Variants in PJA2 observed in about 807,000 individuals in gnomAD.
The protein encoded by PJA2 is E3 ubiquitin-protein ligase Praja-2.
A neutral mutation model predicts 69.3 loss-of-function variants in PJA2; 25 were observed. The observed-to-expected ratio is 0.36, with a 90% CI of 0.26 to 0.50. PJA2 has a LOEUF of 0.50. Among genes scored for constraint, PJA2 ranks in the 20% least tolerant of loss-of-function variants. The pLI, the probability that PJA2 is intolerant of heterozygous loss-of-function variation, is 0.96. For synonymous variants in PJA2, 308 were observed against 277.8 expected (o/e 1.11, Z -1.08); for missense variants, 809 against 830.2 (o/e 0.97, Z 0.31).
rs559807970 is a variant in PJA2, at chr5:109,380,303, G to C, written c.233-1049C>G. 2.1e-3 allele frequency among the ~76,000 whole-genome samples: 324 copies of C among 152,048 alleles called. 2 individuals carry two copies. The highest frequency in any genetic ancestry group is 8.3e-3 in the South Asian group (40 of 4,824). On this transcript the variant is annotated intron_variant, in intron 3 of 9. Transcript: ENST00000361189. ...TACATATGACAGCAAAAATAATCTA[G>C]AAATGTCTTGTCAAGTTTGCTTAGA... is the stretch of plus-strand genomic sequence containing the variant.
chr5:109,369,276 C>T lies in PJA2; in HGVS notation c.1284-530G>A, dbSNP rs576120504. Among the ~76,000 whole-genome samples, 16 of 152,312 alleles carry T rather than the reference C, an allele frequency of 1.1e-4. No homozygotes were observed. In the South Asian group the frequency reaches 2.1e-3, roughly 20 times the overall value. On this transcript the variant is annotated intron_variant, in intron 4 of 9. Coordinates refer to ENST00000361189, the MANE Select transcript of PJA2 (RefSeq NM_014819.5). The stretch of plus-strand genomic sequence containing the variant: ...GAGTGGAGTGTCGATGCCACATATG[C>T]TTTGTCAGGTGCTAATTCAATCTTC...
rs926737239 is a variant in PJA2 at position 109,334,734 on chromosome 5, T to G, written c.*2497A>C. The G allele has an allele frequency of 6.6e-6, 1 of 152,654 alleles. No homozygotes were observed. The highest frequency in any genetic ancestry group is 6.5e-5 in the Admixed American group (1 of 15,274). The allele number at this position is 152,654 out of a possible 1,614,324, so 9.5% of individuals were successfully genotyped here. A position where few individuals can be genotyped will look rare whatever the true frequency, so the allele number is the denominator to read the frequency against. On this transcript the variant is annotated 3_prime_UTR_variant, in exon 10 of 10. Coordinates refer to ENST00000361189, the MANE Select transcript of PJA2 (RefSeq NM_014819.5). ...TATTAGAAATGACCACCGAGTATAT[T>G]CTGTTTATTGTTTATGATTTACACA...
intron 7 of PJA2, among the ~76,000 whole-genome samples, chr5:109,353,663 A>G (rs984992212): frequency 9.5e-5 from 14 of 146,854 alleles, no homozygotes; most frequent in African/African-American, 3.4e-4. Context: ...GATACCTATT[A>G]TATCTACAGA....
chr5:109,371,914 T>G (rs1047637033), intron 4 of PJA2, among the ~76,000 whole-genome samples: 1 of 152,216 alleles, frequency 6.6e-6, no homozygotes, highest in African/African-American at 2.4e-5. Flanking sequence ...ATCAGGTGAA[T>G]ACAACAACAG....
At chr5:109,407,711 CAGAG>C (rs761732350) in intron 1 of PJA2, among the ~76,000 whole-genome samples, 1 of 151,672 alleles carries the variant, frequency 6.6e-6, no homozygotes, top group Non-Finnish European at 1.5e-5. Context: ...CCAGAGAAAA[CAGAG>C]AGAGAGAAAT....
intron 1 of PJA2, among the ~76,000 whole-genome samples, chr5:109,396,985 T>C (rs897958524): frequency 1.3e-5 from 2 of 152,212 alleles, no homozygotes; most frequent in Non-Finnish European, 2.9e-5. Flanking sequence ...TTAATCCACA[T>C]TGCGGTGGTA....
At chr5:109,356,119 C>T (rs893164080) in intron 6 of PJA2, 93 bp from the exon 7 acceptor site, 15 of 794,940 alleles carry the variant, frequency 1.9e-5, no homozygotes, top group South Asian at 1.7e-4. Context: ...ACTGACAAGC[C>T]GATAAACATG....
chr5:109,354,772 A>AAATATTGATATATTT (rs1762383921), intron 7 of PJA2, among the ~76,000 whole-genome samples: 2 of 148,032 alleles, frequency 1.4e-5, no homozygotes, highest in Non-Finnish European at 3.0e-5. Flanking sequence ...ATATATTATT[A>AAATATTGATATATTT]AATATATCAA....
intron 1 of PJA2, among the ~76,000 whole-genome samples, chr5:109,389,004 T>C (rs1435317896): frequency 8.5e-5 from 13 of 152,172 alleles, no homozygotes; most frequent in Admixed American, 8.5e-4. Flanking sequence ...TAGAAAGCTA[T>C]TTTACATTCC....
chr5:109,345,082 C>A (rs2161164), intron 7 of PJA2, among the ~76,000 whole-genome samples: 1 of 150,914 alleles, frequency 6.6e-6, no homozygotes. Flanking sequence ...ATGGCTCATG[C>A]CTGTAATCCC....
chr5:109,358,931 A>C (rs1650314671), intron 6 of PJA2, among the ~76,000 whole-genome samples: 1 of 152,228 alleles, frequency 6.6e-6, no homozygotes, highest in Admixed American at 6.5e-5. Flanking sequence ...GGTTATTTAC[A>C]GTCTCAAAGT....
At chr5:109,362,744 TATA>T (rs1762522668) in intron 6 of PJA2, 93 bp downstream of exon 6, 1 of 1,264,640 alleles carries the variant, frequency 7.9e-7, no homozygotes, top group South Asian at 1.7e-5. Context: ...ATGGGAAAAT[TATA>T]ATATTTCTCA....
At chr5:109,358,252 CACAA>C (rs775307765) in intron 6 of PJA2, among the ~76,000 whole-genome samples, 5 of 152,224 alleles carry the variant, frequency 3.3e-5, no homozygotes, top group Non-Finnish European at 5.9e-5. Context: ...GTTCTTAAAC[CACAA>C]ACAATAGCAC....
chr5:109,364,428 C>A (rs1236176758), intron 5 of PJA2, among the ~76,000 whole-genome samples: 1 of 151,386 alleles, frequency 6.6e-6, no homozygotes, highest in Non-Finnish European at 1.5e-5. Flanking sequence ...TCGAGACCAT[C>A]CCGGCTAAAA....
chr5:109,396,843 T>C (rs969285512), intron 1 of PJA2, among the ~76,000 whole-genome samples: 2 of 151,008 alleles, frequency 1.3e-5, no homozygotes, highest in South Asian at 2.1e-4. Context: ...ACTAGGAATC[T>C]GTAAAAAGTA....
intron 1 of PJA2, among the ~76,000 whole-genome samples, chr5:109,385,183 T>C (rs1417531808): frequency 6.6e-6 from 1 of 152,216 alleles, no homozygotes; most frequent in African/African-American, 2.4e-5. Context: ...ATTTGACTTC[T>C]GTTTTAAGAA....
At chr5:109,357,669 A>G (rs1762435393) in intron 6 of PJA2, among the ~76,000 whole-genome samples, 1 of 152,244 alleles carries the variant, frequency 6.6e-6, no homozygotes, top group Non-Finnish European at 1.5e-5. Context: ...GTAACAGAAG[A>G]AACATTCCTT....
rs1405756635 is a variant in PJA2, at chr5:109,363,097, C to A, written c.1470-75G>T. 6.3e-6 allele frequency: 8 copies of A among 1,273,248 alleles called. No individual in the cohort carries two copies. In the Admixed American group the frequency reaches 9.1e-5, roughly 15 times the overall value. 78.9% of individuals were successfully genotyped at this position (1,273,248 alleles called of 1,614,324 possible). ...CATAACACTGTCTTTAATTCTATTC[C>A]ATGCAAGTGGATTCTGTTGAGTTCT... On this transcript the variant is annotated intron_variant, in intron 5 of 9. Coordinates refer to ENST00000361189, the MANE Select transcript of PJA2 (RefSeq NM_014819.5).
intron 2 of PJA2, 33 bp from the exon 3 acceptor site, chr5:109,381,736 C>A: frequency 6.3e-7 from 1 of 1,589,608 alleles, no homozygotes; most frequent in South Asian, 1.1e-5. Context: ...AAAACAGGAA[C>A]AGCAATGAGC....
Sources: allele counts gnomAD v4.1 joint callset (sites outside exome capture counted in the v4.1 genomes callset), GRCh38; gene constraint gnomAD v4.1.1; transcripts MANE v1.5; gene names NCBI Gene and HGNC (gene_info 2026-07-23, HGNC 2026-07-21).